SLC38A3: variants seen among roughly 807,000 people sequenced by gnomAD.
SLC38A3 encodes solute carrier family 38 member 3.
In SLC38A3, 17 loss-of-function variants were observed where a neutral mutation model predicts 59.5. The ratio of observed to expected loss-of-function variants is 0.29; its 90% confidence interval spans 0.20 to 0.43. The LOEUF is 0.43. Ranked by LOEUF, SLC38A3 falls within the 20% of genes least tolerant of loss-of-function variation. The pLI is 1.00. For synonymous variants in SLC38A3, 238 were observed against 260.3 expected (o/e 0.91, Z 0.82); for missense variants, 454 against 653.9 (o/e 0.69, Z 3.33).
rs186974017 is a variant in SLC38A3 at position 50,214,791 on chromosome 3, C to T, written c.299+23C>T. 5.6e-5 allele frequency: 83 copies of T among 1,489,348 alleles called. No individual in the cohort carries two copies. In the African/African-American group the frequency reaches 1.0e-3, roughly 18 times the overall value. 92.3% of individuals were successfully genotyped at this position (1,489,348 alleles called of 1,614,324 possible). A position where few individuals can be genotyped will look rare whatever the true frequency, so the allele number is the denominator to read the frequency against. On this transcript the variant is annotated intron_variant, in intron 4 of 15. Transcript: ENST00000614032. The surrounding 1 kb of genome is among the most constrained non-coding windows in gnomAD (Gnocchi z 6.0). ...CCTGTGAGTGCCCTCAGAGAAACTT[C>T]TAAAGATAGGGGCCCTAAGCAAGCC...
chr3:50,218,083 G>A lies in SLC38A3; in HGVS notation c.935+87G>A. ...TGTGGTCCTGAATGTGGAGAGGGGAGTGACAGGAGCCAAGTCACTTTATCT... is the reference window on the plus strand; with the variant it reads ...TGTGGTCCTGAATGTGGAGAGGGGAATGACAGGAGCCAAGTCACTTTATCT... On this transcript the variant is annotated intron_variant, in intron 11 of 15. Coordinates refer to ENST00000614032, the MANE Select transcript of SLC38A3 (RefSeq NM_006841.6). This position sits in a 1 kb window ranked among gnomAD's most constrained non-coding sequence, Gnocchi z 5.8. 4 of 1,372,920 alleles carry A rather than the reference G, an allele frequency of 2.9e-6. No homozygotes were observed. In the Admixed American group the frequency reaches 5.6e-5, roughly 19 times the overall value. 85.0% of individuals were successfully genotyped at this position (1,372,920 alleles called of 1,614,324 possible).
chr3:50,209,379 T>C (rs1026760952), intron 1 of SLC38A3, among the ~76,000 whole-genome samples: 13 of 152,192 alleles, frequency 8.5e-5, no homozygotes, highest in Admixed American at 8.5e-4. Context: ...CCGGGCGCAG[T>C]GGCTCAAGCC....
At position 50,217,265 on chromosome 3, in the gene SLC38A3, G is replaced by C; in HGVS notation, c.576G>C (p.Leu192=). 1.2e-6 allele frequency: 2 copies of C among 1,613,478 alleles called. No homozygotes were observed. Among genetic ancestry groups the C allele is most frequent in the Non-Finnish European group, 1.7e-6 (2 of 1,179,678 alleles). ...TSDWYMNGNY[L]VILVSVTIIL... Reference sequence around the variant, plus strand: ...ACTGGTACATGAACGGGAACTACCTGGTAATCCTTGTCTCTGTCACCATCA... The same window carrying C: ...ACTGGTACATGAACGGGAACTACCTCGTAATCCTTGTCTCTGTCACCATCA... The change falls in exon 8 of 16, where the codon CTG becomes CTC. Residue 192 remains leucine, a synonymous_variant. Transcript: ENST00000614032. This position sits in a 1 kb window ranked among gnomAD's most constrained non-coding sequence, Gnocchi z 4.9.
At chr3:50,219,040 A>G (rs895305066) in intron 14 of SLC38A3, 92 bp downstream of exon 14, 7 of 1,483,922 alleles carry the variant, frequency 4.7e-6, no homozygotes, top group South Asian at 1.2e-5. Context: ...TACACCCTAC[A>G]TTAAGTGCAG....
rs1167639872 is a variant in SLC38A3, at chr3:50,220,226, A to T, written c.*49A>T. 7.1e-7 allele frequency: 1 copy of T among 1,412,606 alleles called. No homozygotes were observed. Among genetic ancestry groups the T allele is most frequent in the Non-Finnish European group, 9.8e-7 (1 of 1,024,380 alleles). The allele number at this position is 1,412,606 out of a possible 1,614,324, so 87.5% of individuals were successfully genotyped here. On this transcript the variant is annotated 3_prime_UTR_variant, in exon 16 of 16. Transcript: ENST00000614032. ...TACTCACCCTAGCAGCCCTGCCCAG[A>T]CTCTTCAGCCCCTGCTCCCATCCAG...
At chr3:50,209,355 G>A (rs184903981) in intron 1 of SLC38A3, among the ~76,000 whole-genome samples, 148 of 152,180 alleles carry the variant, frequency 9.7e-4, no homozygotes, top group Non-Finnish European at 1.7e-3. Context: ...GTTAGAAAAC[G>A]TACCTGGCCA....
intron 14 of SLC38A3, 39 bp from the exon 15 acceptor site, chr3:50,219,842 G>A (rs752634541): frequency 2.0e-6 from 3 of 1,536,388 alleles, no homozygotes; most frequent in South Asian, 1.2e-5. Context: ...GTCAGTAGGA[G>A]GATATGAGCC....
intron 1 of SLC38A3, among the ~76,000 whole-genome samples, chr3:50,206,492 T>C (rs911230521): frequency 6.6e-6 from 1 of 152,184 alleles, no homozygotes; most frequent in African/African-American, 2.4e-5. Flanking sequence ...AGGAAGCACA[T>C]CCCTCGGGGC....
chr3:50,220,649 ACT>A lies in SLC38A3; in HGVS notation c.*474_*475del. 1 of 179,250 alleles carries A rather than the reference ACT, an allele frequency of 5.6e-6. No individual in the cohort carries two copies. Among genetic ancestry groups the A allele is most frequent in the East Asian group, 1.3e-4 (1 of 7,516 alleles). The allele number at this position is 179,250 out of a possible 1,614,324, so 11.1% of individuals were successfully genotyped here. A position where few individuals can be genotyped will look rare whatever the true frequency, so the allele number is the denominator to read the frequency against. On this transcript the variant is annotated 3_prime_UTR_variant, in exon 16 of 16. Coordinates refer to ENST00000614032, the MANE Select transcript of SLC38A3 (RefSeq NM_006841.6). The stretch of plus-strand genomic sequence containing the variant: ...CTTTTATTCCCTAGGCCCTTTTCAG[ACT>A]CCTGGGCCCTTGGATACTCTTCTCC...
At chr3:50,211,591 T>C (rs1224595456) in intron 1 of SLC38A3, among the ~76,000 whole-genome samples, 1 of 143,474 alleles carries the variant, frequency 7.0e-6, no homozygotes, top group Non-Finnish European at 1.5e-5. Context: ...TTTTTTTTTT[T>C]TTTTCTTTTT....
At chr3:50,212,137 G>A (rs982232302) in intron 1 of SLC38A3, among the ~76,000 whole-genome samples, 1 of 152,254 alleles carries the variant, frequency 6.6e-6, no homozygotes, top group African/African-American at 2.4e-5. Context: ...GGGGGATGGG[G>A]AATCTGGAGC....
At chr3:50,212,653 G>A (rs959481473) in intron 1 of SLC38A3, among the ~76,000 whole-genome samples, 6 of 152,136 alleles carry the variant, frequency 3.9e-5, no homozygotes, top group Admixed American at 3.9e-4. Flanking sequence ...GGGGCTGCCT[G>A]GGGCAGTGCA....
At chr3:50,210,328 C>T (rs1044058514) in intron 1 of SLC38A3, among the ~76,000 whole-genome samples, 3 of 152,172 alleles carry the variant, frequency 2.0e-5, no homozygotes, top group Admixed American at 6.5e-5. Context: ...TCACGATGGA[C>T]CCTCAAGCCA....
chr3:50,208,508 C>T (rs1252148698), intron 1 of SLC38A3, among the ~76,000 whole-genome samples: 2 of 152,178 alleles, frequency 1.3e-5, no homozygotes, highest in African/African-American at 4.8e-5. Flanking sequence ...GGTGATCTGC[C>T]CGCCTCGGCC....
rs370068881 is a variant in SLC38A3, at chr3:50,220,132, C to T, written c.1470C>T (p.Ile490=). 720 of 1,604,102 alleles carry T rather than the reference C, an allele frequency of 4.5e-4. 3 individuals are homozygous for T. The highest frequency in any genetic ancestry group is 4.0e-3 in the South Asian group (354 of 89,298). ...TGACCATGAGCTTGAGCTTCATCAT[C>T]ATTGACTGGGCCTCAGGGACCAGCC... ...LLMTMSLSFI[I]IDWASGTSRH... The change falls in exon 16 of 16, where the codon ATC becomes ATT. Residue 490 remains isoleucine, a synonymous_variant. Transcript: ENST00000614032.
rs776764043 is a variant in SLC38A3, at chr3:50,220,097, T to G, written c.1435T>G (p.Phe479Val). ...ILALCFAMLG[F>V]LLMTMSLSFI... ...GGCCCTGTGTTTTGCTATGCTTGGC[T>G]TCTTGCTGATGACCATGAGCTTGAG... The change falls in exon 16 of 16, where the codon TTC becomes GTC. Residue 479 changes from phenylalanine (F) to valine (V), a missense_variant. Phe to Val is a conservative substitution (Grantham distance 50, BLOSUM62 -1). Coordinates refer to ENST00000614032, the MANE Select transcript of SLC38A3 (RefSeq NM_006841.6). 2 of 1,607,340 alleles carry G rather than the reference T, an allele frequency of 1.2e-6. No individual in the cohort carries two copies. Among genetic ancestry groups the G allele is most frequent in the Non-Finnish European group, 1.7e-6 (2 of 1,176,462 alleles).
At chr3:50,213,879 C>T (rs1488735606) in intron 1 of SLC38A3, among the ~76,000 whole-genome samples, 1 of 152,192 alleles carries the variant, frequency 6.6e-6, no homozygotes, top group Non-Finnish European at 1.5e-5. Context: ...ATGGTGAAAC[C>T]GAGACCCTAA....
chr3:50,217,844 C>T lies in SLC38A3; in HGVS notation c.855+4C>T. On this transcript the variant is annotated splice_donor_region_variant and intron_variant, in intron 10 of 15. Transcript: ENST00000614032. The surrounding 1 kb of genome is among the most constrained non-coding windows in gnomAD (Gnocchi z 4.9). ...CTACTTCACGCTCAACTCACAGGTT[C>T]TGACAGGTCAGGGCAAGGCGGGGGC... 1 of 1,614,060 alleles carries T rather than the reference C, an allele frequency of 6.2e-7. No individual in the cohort carries two copies. Among genetic ancestry groups the T allele is most frequent in the Non-Finnish European group, 8.5e-7 (1 of 1,179,910 alleles).
chr3:50,205,984 G>A (rs534294885), intron 1 of SLC38A3, among the ~76,000 whole-genome samples: 2 of 152,362 alleles, frequency 1.3e-5, no homozygotes, highest in East Asian at 3.9e-4. Context: ...GGGCGCGAGT[G>A]GCTCCCTGAC....
Sources: gnomAD v4.1 joint callset for allele counts (sites outside exome capture counted in the v4.1 genomes callset) on GRCh38, gnomAD v4.1.1 for gene constraint, Gnocchi (gnomAD v3.1) non-coding constraint, MANE v1.5 for transcripts, NCBI Gene and HGNC (gene_info 2026-07-23, HGNC 2026-07-21) for gene names.